The following PTPRG variants were observed in gnomAD, a reference collection of about 807,000 sequenced individuals.
The protein encoded by PTPRG is receptor-type tyrosine-protein phosphatase gamma.
A neutral mutation model predicts 165.3 loss-of-function variants in PTPRG; 102 were observed. The observed-to-expected ratio is 0.62, with a 90% CI of 0.53 to 0.73. The LOEUF (loss-of-function observed/expected upper bound fraction) is 0.73, where lower values mean the gene tolerates loss of function less well. Ranked by LOEUF, PTPRG falls within the 30% of genes least tolerant of loss-of-function variation. The pLI, the probability that PTPRG is intolerant of heterozygous loss-of-function variation, is 0.00. For missense variants in PTPRG, 1,866 were observed against 1,861.4 expected (o/e 1.00, Z -0.05); for synonymous variants, 675 against 669.5 (o/e 1.01, Z -0.13).
intron 1 of PTPRG, among the ~76,000 whole-genome samples, chr3:61,736,910 A>G (rs1179586652): frequency 6.6e-6 from 1 of 152,220 alleles, no homozygotes; most frequent in Admixed American, 6.5e-5. Context: ...CTTTAAAGGA[A>G]GGCATATATC....
intron 2 of PTPRG, among the ~76,000 whole-genome samples, chr3:61,875,657 G>A (rs1302370318): frequency 1.3e-5 from 2 of 151,816 alleles, no homozygotes; most frequent in South Asian, 2.1e-4. Context: ...ACACACACAC[G>A]GCACACACAC....
In PTPRG at chr3:61,887,123, C is replaced by CATATAT. The variant is rs148352398; in HGVS notation, c.191-102459_191-102454dup. Among the ~76,000 whole-genome samples the CATATAT allele has an allele frequency of 9.5e-3, 809 of 85,608 alleles. 34 individuals carry two copies. Among genetic ancestry groups the CATATAT allele is most frequent in the South Asian group, 0.014 (35 of 2,432 alleles). The allele number at this position is 85,608 out of a possible 152,430, so 56.2% of individuals were successfully genotyped here. A position where few individuals can be genotyped will look rare whatever the true frequency, so the allele number is the denominator to read the frequency against. ...ATTTTTAAAGTATAACCATAGCATG[C>CATATAT]ATATATATATATATATATATATATA... On this transcript the variant is annotated intron_variant, in intron 2 of 29. Transcript: ENST00000474889.
chr3:61,769,993 T>C, intron 2 of PTPRG: 1 of 152,212 alleles, frequency 6.6e-6, no homozygotes, highest in Admixed American at 6.5e-5. Context: ...AGTATAGAAT[T>C]ATTACATGGT....
At chr3:62,031,466 G>A (rs1429455434) in intron 4 of PTPRG, among the ~76,000 whole-genome samples, 1 of 152,184 alleles carries the variant, frequency 6.6e-6, no homozygotes, top group Non-Finnish European at 1.5e-5. Context: ...AGATTACCAT[G>A]ATATGGAGAG....
intron 5 of PTPRG, among the ~76,000 whole-genome samples, chr3:62,091,399 T>C (rs941202540): frequency 8.5e-5 from 13 of 152,206 alleles, no homozygotes; most frequent in African/African-American, 3.1e-4. Flanking sequence ...TCTTAACACC[T>C]TGGATGATAA....
intron 2 of PTPRG, among the ~76,000 whole-genome samples, chr3:61,929,744 T>G (rs976120548): frequency 1.3e-5 from 2 of 151,752 alleles, no homozygotes; most frequent in South Asian, 4.2e-4. Flanking sequence ...CCCTATGGGC[T>G]GCAGTGATTC....
chr3:62,002,746 G>T (rs1371345359), intron 3 of PTPRG, among the ~76,000 whole-genome samples: 1 of 152,170 alleles, frequency 6.6e-6, no homozygotes, highest in African/African-American at 2.4e-5. Flanking sequence ...GTATTTGAGT[G>T]ACTTCAAGAG....
intron 28 of PTPRG, among the ~76,000 whole-genome samples, chr3:62,291,967 T>C (rs1342999703): frequency 6.6e-6 from 1 of 152,194 alleles, no homozygotes; most frequent in African/African-American, 2.4e-5. Flanking sequence ...AGCCATATAA[T>C]TCCATTTTTA....
intron 1 of PTPRG, among the ~76,000 whole-genome samples, chr3:61,731,482 G>A (rs1474408338): frequency 6.6e-6 from 1 of 151,638 alleles, no homozygotes; most frequent in Non-Finnish European, 1.5e-5. Context: ...CCGAGTAGCT[G>A]GGACTACAGG....
intron 2 of PTPRG, among the ~76,000 whole-genome samples, chr3:61,782,197 G>A (rs1004875977): frequency 5.3e-5 from 8 of 152,164 alleles, no homozygotes; most frequent in African/African-American, 1.7e-4. Context: ...AGGCCAAGGG[G>A]CAAGGTACTT....
chr3:61,611,535 A>G (rs1272056292), intron 1 of PTPRG, among the ~76,000 whole-genome samples: 2 of 152,216 alleles, frequency 1.3e-5, no homozygotes, highest in Non-Finnish European at 2.9e-5. Flanking sequence ...TAGAAGGAAA[A>G]GAGCGATTTT....
Position 62,217,426 on chromosome 3 carries a change from G to C in PTPRG, c.2156-1425G>C, listed in dbSNP as rs936131608. ...CGTAACACACTTCTTCCTGACTCGG[G>C]AGTCTTGCCTCTTTAAAAATCTGCT... is the stretch of plus-strand genomic sequence containing the variant. On this transcript the variant is annotated intron_variant, in intron 12 of 29. Coordinates refer to ENST00000474889, the MANE Select transcript of PTPRG (RefSeq NM_002841.4). The surrounding 1 kb of genome is among the most constrained non-coding windows in gnomAD (Gnocchi z 4.3). 6.6e-6 allele frequency among the ~76,000 whole-genome samples: 1 copy of C among 152,162 alleles called. No homozygotes were observed. The highest frequency in any genetic ancestry group is 1.5e-5 in the Non-Finnish European group (1 of 68,026).
intron 8 of PTPRG, among the ~76,000 whole-genome samples, chr3:62,183,603 G>C (rs1705748754): frequency 1.3e-5 from 2 of 151,804 alleles, no homozygotes; most frequent in Non-Finnish European, 2.9e-5. Context: ...CAGAATGAAG[G>C]CCTTGGTGGG....
intron 1 of PTPRG, among the ~76,000 whole-genome samples, chr3:61,600,177 T>C (rs1327201936): frequency 1.9e-5 from 2 of 102,720 alleles, no homozygotes; most frequent in East Asian, 2.5e-4. Context: ...AAAAAAAATA[T>C]ATATATATAT....
At chr3:62,091,323 T>C (rs1701921340) in intron 5 of PTPRG, among the ~76,000 whole-genome samples, 1 of 152,196 alleles carries the variant, frequency 6.6e-6, no homozygotes, top group East Asian at 1.9e-4. Flanking sequence ...GTAACCAAAT[T>C]CAAATTTCCT....
At position 62,294,092 on chromosome 3, in the gene PTPRG, C is replaced by G. The variant is rs907771664; in HGVS notation, c.*785C>G. ...AGCTACATCCTAAAATCAGGGCTAT[C>G]TTTAACAATAGCAAGATAGCAATAT... On this transcript the variant is annotated 3_prime_UTR_variant, in exon 30 of 30. Transcript: ENST00000474889. 25 of 152,292 alleles carry G rather than the reference C, an allele frequency of 1.6e-4. No individual in the cohort carries two copies. The highest frequency in any genetic ancestry group is 2.9e-5 in the Non-Finnish European group (2 of 67,986). The allele number at this position is 152,292 out of a possible 1,614,324, so 9.4% of individuals were successfully genotyped here. A position where few individuals can be genotyped will look rare whatever the true frequency, so the allele number is the denominator to read the frequency against.
intron 2 of PTPRG, among the ~76,000 whole-genome samples, chr3:61,975,509 C>T (rs2040482567): frequency 6.6e-6 from 1 of 152,178 alleles, no homozygotes; most frequent in Admixed American, 6.5e-5. Context: ...CACTGCAAAT[C>T]TCCCAGCACT....
At chr3:61,668,779 C>G (rs527971887) in intron 1 of PTPRG, among the ~76,000 whole-genome samples, 2 of 152,026 alleles carry the variant, frequency 1.3e-5, no homozygotes, top group South Asian at 4.2e-4. Flanking sequence ...AAATGTGACT[C>G]TCAGATATTT....
At chr3:61,648,409 G>T (rs972461676) in intron 1 of PTPRG, among the ~76,000 whole-genome samples, 1 of 152,178 alleles carries the variant, frequency 6.6e-6, no homozygotes, top group Non-Finnish European at 1.5e-5. Flanking sequence ...GGATCCAGGT[G>T]GAAGACACCT....
Sources: allele counts gnomAD v4.1 joint callset (sites outside exome capture counted in the v4.1 genomes callset), GRCh38; gene constraint gnomAD v4.1.1; non-coding constraint Gnocchi (gnomAD v3.1); transcripts MANE v1.5; gene names NCBI Gene and HGNC (gene_info 2026-07-23, HGNC 2026-07-21).